The following RIMS1 variants were observed in gnomAD, a reference collection of about 807,000 sequenced individuals.
RIMS1 encodes the protein regulating synaptic membrane exocytosis 1.
A neutral mutation model predicts 214.1 loss-of-function variants in RIMS1; 83 were observed. The ratio of observed to expected loss-of-function variants is 0.39; its 90% CI spans 0.32 to 0.47. RIMS1 has a LOEUF of 0.47. Among genes scored for constraint, RIMS1 ranks in the 20% least tolerant of loss-of-function variants. The probability of loss-of-function intolerance (pLI) is 0.99; values close to 1 mark genes in which losing one functional copy is unlikely to be tolerated. For missense variants in RIMS1, 2,050 were observed against 2,161.8 expected, an observed-to-expected ratio of 0.95 and a Z score of 1.03; for synonymous variants, 793 against 786.8, an observed-to-expected ratio of 1.01 and a Z score of -0.13.
At chr6:72,146,999 G>A (rs2042853900) in intron 4 of RIMS1, among the ~76,000 whole-genome samples, 1 of 152,140 alleles carries the variant, frequency 6.6e-6, no homozygotes, top group African/African-American at 2.4e-5. Context: ...CTGTAAAGCA[G>A]GCAAGTCAAA....
chr6:72,398,641 GAAAA>G (rs928450062), intron 32 of RIMS1, among the ~76,000 whole-genome samples: 1 of 151,648 alleles, frequency 6.6e-6, no homozygotes, highest in Admixed American at 6.6e-5. Flanking sequence ...AAAGGCAAAA[GAAAA>G]AAAGAATATA....
chr6:72,002,980 G>C (rs1383242753), intron 2 of RIMS1, among the ~76,000 whole-genome samples: 1 of 152,178 alleles, frequency 6.6e-6, no homozygotes, highest in East Asian at 1.9e-4. Flanking sequence ...CACCAGTGGG[G>C]TCACAGGTAT....
intron 29 of RIMS1, among the ~76,000 whole-genome samples, chr6:72,377,663 A>G (rs964813462): frequency 6.6e-6 from 1 of 152,188 alleles, no homozygotes; most frequent in African/African-American, 2.4e-5. Flanking sequence ...GCCTGTATTG[A>G]TTAACTAACT....
chr6:72,000,574 C>A (rs191632193), intron 2 of RIMS1, among the ~76,000 whole-genome samples: 2 of 152,112 alleles, frequency 1.3e-5, no homozygotes, highest in African/African-American at 2.4e-5. Context: ...TGCATCTACC[C>A]CACTTCTACT....
At chr6:72,117,028 G>A (rs1345166659) in intron 4 of RIMS1, among the ~76,000 whole-genome samples, 5 of 151,846 alleles carry the variant, frequency 3.3e-5, no homozygotes, top group Non-Finnish European at 7.4e-5. Flanking sequence ...ATTGCTCCAG[G>A]TCATGTTTGA....
chr6:72,333,247 A>C (rs1052762433), intron 28 of RIMS1, among the ~76,000 whole-genome samples: 1 of 151,948 alleles, frequency 6.6e-6, no homozygotes, highest in Admixed American at 6.6e-5. Context: ...TTTTCTTAAT[A>C]ATTGAAATAT....
At position 72,119,691 on chromosome 6, in the gene RIMS1, A is replaced by T. The variant is rs546261439; in HGVS notation, c.471+19705A>T. Among the ~76,000 whole-genome samples the T allele has an allele frequency of 2.9e-4, 44 of 151,884 alleles. 1 individual carries two copies. In the South Asian group the frequency reaches 4.8e-3, roughly 17 times the overall value. On this transcript the variant is annotated intron_variant, in intron 4 of 33. Transcript: ENST00000521978. The stretch of plus-strand genomic sequence containing the variant: ...TTTAATACTTTAAGTTCTAGGGTAC[A>T]TGTGCACAATGTGCAGGTTTGTTAC...
intron 26 of RIMS1, among the ~76,000 whole-genome samples, chr6:72,294,908 T>A (rs1191711430): frequency 6.6e-6 from 1 of 151,682 alleles, no homozygotes; most frequent in East Asian, 1.9e-4. Flanking sequence ...GCCTTATAAT[T>A]TAAGTAACTC....
intron 1 of RIMS1, among the ~76,000 whole-genome samples, chr6:71,900,996 T>C (rs1212393031): frequency 6.6e-6 from 1 of 152,098 alleles, no homozygotes. Flanking sequence ...GCCAGAGATA[T>C]AGGATAAAAA....
intron 30 of RIMS1, 36 bp from the exon 31 acceptor site, chr6:72,392,662 G>C (rs963417024): frequency 1.4e-6 from 2 of 1,389,548 alleles, no homozygotes; most frequent in Non-Finnish European, 2.1e-6. Context: ...AGATTTCATG[G>C]GTTTTTTCCT....
At chr6:72,245,596 A>T (rs2069106227) in intron 10 of RIMS1, among the ~76,000 whole-genome samples, 1 of 152,086 alleles carries the variant, frequency 6.6e-6, no homozygotes, top group South Asian at 2.1e-4. Flanking sequence ...GTCATGTTAA[A>T]GTTTTGCTCT....
intron 26 of RIMS1, 50 bp downstream of exon 26, chr6:72,292,096 T>A: frequency 8.4e-7 from 1 of 1,188,932 alleles, no homozygotes; most frequent in Non-Finnish European, 1.2e-6. Flanking sequence ...TTTGAGAACC[T>A]CCTCTATTTA....
intron 1 of RIMS1, among the ~76,000 whole-genome samples, chr6:71,901,288 C>T (rs1213949740): frequency 6.6e-6 from 1 of 151,976 alleles, no homozygotes; most frequent in Non-Finnish European, 1.5e-5. Context: ...TGAGAACATA[C>T]ACTGACAAAA....
intron 26 of RIMS1, among the ~76,000 whole-genome samples, chr6:72,299,162 A>G (rs891576445): frequency 1.3e-5 from 2 of 151,980 alleles, no homozygotes; most frequent in African/African-American, 4.8e-5. Flanking sequence ...TGAACCAGAA[A>G]TTAAATGACT....
At chr6:72,109,942 C>T (rs1249825797) in intron 4 of RIMS1, among the ~76,000 whole-genome samples, 1 of 152,046 alleles carries the variant, frequency 6.6e-6, no homozygotes, top group Admixed American at 6.5e-5. Context: ...TTCCCAGCAC[C>T]ATTTATTAAA....
chr6:72,142,300 C>G (rs758493213), intron 4 of RIMS1, among the ~76,000 whole-genome samples: 14 of 151,922 alleles, frequency 9.2e-5, no homozygotes, highest in South Asian at 4.2e-4. Context: ...TGATTCCCCC[C>G]CTACAGTGCC....
chr6:72,178,414 T>G (rs1400244521), intron 4 of RIMS1, among the ~76,000 whole-genome samples: 1 of 152,246 alleles, frequency 6.6e-6, no homozygotes, highest in East Asian at 1.9e-4. Flanking sequence ...AAACAATGCT[T>G]CTTTTACTAT....
chr6:71,972,454 C>CTAGAGTACACCA (rs2151384239), intron 2 of RIMS1, among the ~76,000 whole-genome samples: 1 of 152,268 alleles, frequency 6.6e-6, no homozygotes, highest in African/African-American at 2.4e-5. Flanking sequence ...TGATAGTACT[C>CTAGAGTACACCA]ATATCACTTG....
chr6:72,336,621 G>T (rs1186526333), intron 29 of RIMS1, among the ~76,000 whole-genome samples: 1 of 151,716 alleles, frequency 6.6e-6, no homozygotes, highest in Non-Finnish European at 1.5e-5. Context: ...TATAATGATG[G>T]GTTGAATGGG....
Sources: allele counts gnomAD v4.1 joint callset (sites outside exome capture counted in the v4.1 genomes callset), GRCh38; gene constraint gnomAD v4.1.1; transcripts MANE v1.5; gene names NCBI Gene and HGNC (gene_info 2026-07-23, HGNC 2026-07-21).